Variants in WDR74 observed in about 807,000 individuals in gnomAD.
WDR74 encodes WD repeat domain 74.
Under a neutral mutation model 45.6 loss-of-function variants are expected in WDR74, and 31 were observed. The ratio of observed to expected loss-of-function variants is 0.68; its 90% CI spans 0.51 to 0.92. WDR74 has a LOEUF of 0.92. WDR74 is among the 40% of genes least tolerant of loss of function. WDR74 has a pLI of 0.00. For missense variants in WDR74, 455 were observed against 497.2 expected (o/e 0.92, Z 0.81); for synonymous variants, 191 against 192.4 (o/e 0.99, Z 0.06).
intron 3 of WDR74, chr11:62,836,350 G>A (rs2084959868): frequency 3.0e-6 from 1 of 337,160 alleles, no homozygotes; most frequent in Non-Finnish European, 5.7e-6. Context: ...TTGCCACTCA[G>A]CTATGTTACA....
At chr11:62,834,790 G>C in intron 6 of WDR74, 1 of 463,190 alleles carries the variant, frequency 2.2e-6, no homozygotes, top group Non-Finnish European at 3.9e-6. Flanking sequence ...TCCCATCTAG[G>C]GGAAATGGAG....
rs773058939 is a variant in WDR74, at chr11:62,833,780, G to T, written c.921+12C>A. 8.1e-6 allele frequency: 13 copies of T among 1,612,714 alleles called. No individual in the cohort carries two copies. Among genetic ancestry groups the T allele is most frequent in the Non-Finnish European group, 1.1e-5 (13 of 1,179,280 alleles). ...ACAAGACCATGAGTTGGAGGTGGGA[G>T]AGACAACTTACCTTATGCTCCAGAC... On this transcript the variant is annotated intron_variant, in intron 9 of 10. Coordinates refer to ENST00000278856, the MANE Select transcript of WDR74 (RefSeq NM_001369450.1).
At chr11:62,841,762 T>C (rs982114925), upstream of WDR74, 1 of 152,212 alleles carries the variant, frequency 6.6e-6, no homozygotes, top group African/African-American at 2.4e-5. Context: ...ATTAAACTGA[T>C]AAGAACAGAT....
Position 62,834,477 on chromosome 11 carries a change from G to T in WDR74, c.669C>A (p.Thr223=), listed in dbSNP as rs887860447. The change falls in exon 7 of 11, where the codon ACC becomes ACA. Residue 223 remains threonine (T), a synonymous_variant. Coordinates refer to ENST00000278856, the MANE Select transcript of WDR74 (RefSeq NM_001369450.1). ...CTGTTAGTGGGTACTCTCCATAGGT[G>T]GTCTCTAGGACTGGCCGGCGCTGGG... is the stretch of plus-strand genomic sequence containing the variant. ...ASPQRRPVLE[T]TYGEYPLTAM... is the part of the protein sequence containing the mutation. 1 of 1,611,436 alleles carries T rather than the reference G, an allele frequency of 6.2e-7. No homozygotes were observed. Among genetic ancestry groups the T allele is most frequent in the African/African-American group, 1.3e-5 (1 of 74,440 alleles).
upstream of WDR74, chr11:62,841,493 C>T (rs1298645636): frequency 6.6e-6 from 1 of 152,180 alleles, no homozygotes; most frequent in East Asian, 1.9e-4. Context: ...CACTCAAACA[C>T]GCGTCATTCA....
rs369430523 is a variant in WDR74 at position 62,839,136 on chromosome 11, G to A, written c.271C>T (p.Arg91Cys). Residue 91 changes from arginine (R) to cysteine (C), a missense_variant, in exon 3 of 11, where the codon CGT becomes TGT. Transcript: ENST00000278856. Reference protein sequence around the residue: ...RHCPGGEGMFRGLAQADGTLI... With the variant: ...RHCPGGEGMFCGLAQADGTLI... ...TACCCGTCGGCCTGGGCGAGGCCAC[G>A]GAACATGCCCTCCCCGCCCGGGCAG... The A allele has an allele frequency of 1.9e-6, 3 of 1,613,532 alleles. No homozygotes were observed. The highest frequency in any genetic ancestry group is 2.2e-5 in the East Asian group (1 of 44,880).
chr11:62,841,547 A>C (rs944543088), upstream of WDR74: 3 of 151,164 alleles, frequency 2.0e-5, no homozygotes, highest in Non-Finnish European at 4.4e-5. Flanking sequence ...AAACAACAAG[A>C]ACATAACTAT....
Position 62,839,135 on chromosome 11 carries a change from C to G in WDR74, c.272G>C (p.Arg91Pro). The G allele has an allele frequency of 6.2e-7, 1 of 1,613,508 alleles. No individual in the cohort carries two copies. Among genetic ancestry groups the G allele is most frequent in the Non-Finnish European group, 8.5e-7 (1 of 1,179,876 alleles). ...TTACCCGTCGGCCTGGGCGAGGCCA[C>G]GGAACATGCCCTCCCCGCCCGGGCA... Reference protein sequence around the residue: ...RHCPGGEGMFRGLAQADGTLI... With the variant: ...RHCPGGEGMFPGLAQADGTLI... The change falls in exon 3 of 11, where the codon CGT becomes CCT. Residue 91 changes from arginine to proline, a missense_variant. Physicochemically the swap from Arg to Pro is moderately radical, Grantham distance 103. Transcript: ENST00000278856.
intron 5 of WDR74, 38 bp from the exon 6 acceptor site, chr11:62,835,570 G>A (rs746460415): frequency 1.9e-6 from 3 of 1,613,114 alleles, no homozygotes; most frequent in African/African-American, 2.7e-5. Flanking sequence ...GGCTATGGGG[G>A]GCTCGATGTG....
Position 62,833,675 on chromosome 11 carries a change from C to T in WDR74, c.922-1G>A. ...AGTTCAATTGAGACTTGAGATAAAC[C>T]TGCAAAAGATGAGGGACCTTAAGGA... On this transcript the variant is annotated splice_acceptor_variant, in intron 9 of 10. Transcript: ENST00000278856. LOFTEE classifies it high-confidence loss of function. 2 of 1,558,046 alleles carry T rather than the reference C, an allele frequency of 1.3e-6. No individual in the cohort carries two copies. Among genetic ancestry groups the T allele is most frequent in the Middle Eastern group, 1.7e-4 (1 of 5,996 alleles).
At position 62,835,419 on chromosome 11, in the gene WDR74, G is replaced by T. The variant is rs746199182; in HGVS notation, c.618+12C>A. On this transcript the variant is annotated intron_variant, in intron 6 of 10. Transcript: ENST00000278856. ...TATCCCAGGAGAAGGCAGGTGTGAG[G>T]TGACACCTTACCTGGTGGTACCCTG... 6.2e-7 allele frequency: 1 copy of T among 1,612,268 alleles called. No individual in the cohort carries two copies. Among genetic ancestry groups the T allele is most frequent in the Non-Finnish European group, 8.5e-7 (1 of 1,178,408 alleles).
At chr11:62,835,902 G>A in intron 4 of WDR74, 59 bp downstream of exon 4, 1 of 1,586,320 alleles carries the variant, frequency 6.3e-7, no homozygotes, top group Non-Finnish European at 8.6e-7. Context: ...TCCCCAGCGT[G>A]ATCATTAGGC....
intron 10 of WDR74, 51 bp from the exon 11 acceptor site, chr11:62,833,182 T>G: frequency 6.4e-7 from 1 of 1,570,874 alleles, no homozygotes; most frequent in Non-Finnish European, 8.6e-7. Context: ...GCACGGTGGC[T>G]CCCACCTGTA....
chr11:62,839,288 G>T (rs2085008390), intron 2 of WDR74, 34 bp downstream of exon 2: 1 of 1,611,066 alleles, frequency 6.2e-7, no homozygotes, highest in Non-Finnish European at 8.5e-7. Context: ...TGCGCCCCAG[G>T]CCCCCAGCTC....
At chr11:62,841,738 A>AG (rs1250862061), upstream of WDR74, 3 of 152,182 alleles carry the variant, frequency 2.0e-5, no homozygotes, top group Non-Finnish European at 4.4e-5. Context: ...CCTCGGATAG[A>AG]GGACGTATCA....
chr11:62,834,133 CA>C (rs1343966620), intron 8 of WDR74, 142 bp downstream of exon 8: 1 of 1,464,574 alleles, frequency 6.8e-7, no homozygotes, highest in Non-Finnish European at 9.5e-7. Flanking sequence ...TAAGGTCATA[CA>C]GCTTTTAGGG....
chr11:62,836,498 G>A (rs967474163), intron 3 of WDR74: 2 of 164,700 alleles, frequency 1.2e-5, no homozygotes, highest in African/African-American at 4.8e-5. Flanking sequence ...CTTGGTCAAA[G>A]TCAAACACCA....
At chr11:62,838,443 C>A (rs2084991161) in intron 3 of WDR74, among the ~76,000 whole-genome samples, 1 of 151,976 alleles carries the variant, frequency 6.6e-6, no homozygotes, top group Non-Finnish European at 1.5e-5. Flanking sequence ...GCATGAGCCA[C>A]CACACCCAGC....
intron 10 of WDR74, 44 bp from the exon 11 acceptor site, chr11:62,833,175 C>T (rs745387965): frequency 1.9e-6 from 3 of 1,590,404 alleles, no homozygotes; most frequent in East Asian, 2.3e-5. Flanking sequence ...GGGCCGGGCA[C>T]GGTGGCTCCC....
Sources: gnomAD v4.1 joint callset for allele counts (sites outside exome capture counted in the v4.1 genomes callset) on GRCh38, gnomAD v4.1.1 for gene constraint, MANE v1.5 for transcripts, NCBI Gene and HGNC (gene_info 2026-07-23, HGNC 2026-07-21) for gene names.